The following CTNNA3 variants were observed in gnomAD, a reference collection of about 807,000 sequenced individuals.
CTNNA3 encodes catenin alpha 3, also known as catenin alpha-3.
Under a neutral mutation model 95.7 loss-of-function variants are expected in CTNNA3, and 76 were observed. The ratio of observed to expected loss-of-function variants is 0.79; its 90% CI spans 0.66 to 0.96. CTNNA3 has a LOEUF of 0.96. CTNNA3 is among the 40% of genes least tolerant of loss of function. The pLI is 0.00. For missense variants in CTNNA3, 1,191 were observed against 1,089.8 expected (o/e 1.09, Z -1.31); for synonymous variants, 431 against 374.4 (o/e 1.15, Z -1.74).
chr10:66,762,161 C>T (rs570157271), intron 9 of CTNNA3, among the ~76,000 whole-genome samples: 3 of 152,060 alleles, frequency 2.0e-5, no homozygotes, highest in Non-Finnish European at 4.4e-5. Context: ...TCTTCCTGTT[C>T]AATAGATTTT....
intron 4 of CTNNA3, among the ~76,000 whole-genome samples, chr10:67,538,157 T>TA (rs1176919938): frequency 0.18 from 10,388 of 59,278 alleles, 742 homozygotes; most frequent in East Asian, 0.4. Flanking sequence ...CTACTTAAAC[T>TA]AAAAAAAAAA....
intron 9 of CTNNA3, among the ~76,000 whole-genome samples, chr10:66,693,272 C>G (rs1023084799): frequency 7.3e-5 from 11 of 150,490 alleles, no homozygotes; most frequent in African/African-American, 2.7e-4. Context: ...GAAGATCTAT[C>G]AAGCAAATGG....
At chr10:67,310,598 A>T (rs971015350) in intron 5 of CTNNA3, among the ~76,000 whole-genome samples, 1 of 152,232 alleles carries the variant, frequency 6.6e-6, no homozygotes, top group Admixed American at 6.5e-5. Context: ...AAATTGACTC[A>T]CAGTTTCACA....
chr10:66,459,933 A>C (rs981436219), intron 11 of CTNNA3, among the ~76,000 whole-genome samples: 1 of 151,968 alleles, frequency 6.6e-6, no homozygotes, highest in Admixed American at 6.6e-5. Flanking sequence ...ATTGAAACAA[A>C]ATTTTGGTTC....
intron 12 of CTNNA3, among the ~76,000 whole-genome samples, chr10:66,335,165 A>G (rs768275623): frequency 6.6e-6 from 1 of 151,812 alleles, no homozygotes; most frequent in Non-Finnish European, 1.5e-5. Flanking sequence ...CTTCTTTGCT[A>G]TGGGTTCGAA....
At chr10:66,527,750 G>T (rs538616979) in intron 10 of CTNNA3, among the ~76,000 whole-genome samples, 11 of 151,704 alleles carry the variant, frequency 7.3e-5, no homozygotes, top group African/African-American at 1.7e-4. Flanking sequence ...TTCATTGTTC[G>T]TATACAAAGA....
intron 7 of CTNNA3, among the ~76,000 whole-genome samples, chr10:67,069,894 TTAACATGTG>T (rs1400609501): frequency 6.6e-6 from 1 of 152,194 alleles, no homozygotes; most frequent in Non-Finnish European, 1.5e-5. Flanking sequence ...CATCTTTTGG[TTAACATGTG>T]TACATATTTC....
chr10:66,555,263 T>C (rs1437731937), intron 10 of CTNNA3, among the ~76,000 whole-genome samples: 4 of 152,174 alleles, frequency 2.6e-5, no homozygotes, highest in Admixed American at 6.5e-5. Context: ...GTTTAGACTT[T>C]TGCTTCAAAT....
At chr10:66,502,754 T>C (rs1028835931) in intron 11 of CTNNA3, among the ~76,000 whole-genome samples, 2 of 152,138 alleles carry the variant, frequency 1.3e-5, no homozygotes, top group African/African-American at 4.8e-5. Flanking sequence ...ATCATACTTG[T>C]ACCGGGTTTT....
At chr10:66,491,176 T>G (rs10997182) in intron 11 of CTNNA3, among the ~76,000 whole-genome samples, 12,437 of 152,170 alleles carry the variant, frequency 0.082, 1,193 homozygotes, top group East Asian at 0.32. Context: ...TTTATGTTGC[T>G]CTCAATCCAT....
intron 3 of CTNNA3, among the ~76,000 whole-genome samples, chr10:67,574,603 C>T (rs1399584278): frequency 7.0e-5 from 9 of 128,532 alleles, no homozygotes; most frequent in African/African-American, 2.1e-4. Flanking sequence ...TTTTTTGAGA[C>T]GGAGTCTCCC....
At chr10:67,060,956 T>A (rs944665947) in intron 7 of CTNNA3, among the ~76,000 whole-genome samples, 2 of 152,134 alleles carry the variant, frequency 1.3e-5, no homozygotes, top group African/African-American at 4.8e-5. Context: ...GCTGTGTGAA[T>A]GAAGAAAAAG....
At chr10:66,061,965 T>C (rs570370717) in intron 15 of CTNNA3, among the ~76,000 whole-genome samples, 1 of 152,304 alleles carries the variant, frequency 6.6e-6, no homozygotes, top group African/African-American at 2.4e-5. Context: ...TCTTATCCTG[T>C]GTTTAGCACA....
At chr10:67,692,611 G>A (rs1378909389) in intron 1 of CTNNA3, among the ~76,000 whole-genome samples, 22 of 134,188 alleles carry the variant, frequency 1.6e-4, no homozygotes, top group African/African-American at 4.1e-4. Context: ...GCGGAAGGCC[G>A]CAGGGTCCTC....
intron 15 of CTNNA3, among the ~76,000 whole-genome samples, chr10:66,041,942 C>T (rs903640161): frequency 6.6e-6 from 1 of 152,190 alleles, no homozygotes; most frequent in East Asian, 1.9e-4. Flanking sequence ...GCTCATGTCA[C>T]GCTTCTCAGC....
intron 9 of CTNNA3, among the ~76,000 whole-genome samples, chr10:66,734,872 C>CAAA (rs34979571): frequency 2.8e-4 from 37 of 132,732 alleles, no homozygotes; most frequent in African/African-American, 8.7e-4. Flanking sequence ...AAGACTGTTT[C>CAAA]AAAAAAAAAA....
chr10:67,089,972 G>A (rs1447030534), intron 7 of CTNNA3, among the ~76,000 whole-genome samples: 3 of 151,940 alleles, frequency 2.0e-5, no homozygotes. Flanking sequence ...GACAAGTATA[G>A]TCTCATATGA....
chr10:66,990,078 T>C (rs1850959724), intron 7 of CTNNA3, among the ~76,000 whole-genome samples: 1 of 152,138 alleles, frequency 6.6e-6, no homozygotes, highest in Non-Finnish European at 1.5e-5. Flanking sequence ...ATGAGATGGG[T>C]TGGAGAAGTC....
At chr10:66,529,762 G>C (rs1841402132) in intron 10 of CTNNA3, among the ~76,000 whole-genome samples, 1 of 152,086 alleles carries the variant, frequency 6.6e-6, no homozygotes, top group Admixed American at 6.6e-5. Flanking sequence ...GTGCTGACAA[G>C]ACAATGGAGG....
Sources: gnomAD v4.1 joint callset for allele counts (sites outside exome capture counted in the v4.1 genomes callset) on GRCh38, gnomAD v4.1.1 for gene constraint, MANE v1.5 for transcripts, NCBI Gene and HGNC (gene_info 2026-07-23, HGNC 2026-07-21) for gene names.